Variants in TMEM182 observed in about 807,000 individuals in gnomAD.
TMEM182 encodes the protein transmembrane protein 182.
In TMEM182, 20 loss-of-function variants were observed where a neutral mutation model predicts 26.8. The ratio of observed to expected loss-of-function variants is 0.75; its 90% CI spans 0.53 to 1.09. The LOEUF (loss-of-function observed/expected upper bound fraction) is 1.09, where lower values mean the gene tolerates loss of function less well. TMEM182 is among the 50% of genes least tolerant of loss of function. TMEM182 has a pLI of 0.00. For synonymous variants in TMEM182, 109 were observed against 102.2 expected (o/e 1.07, Z -0.40); for missense variants, 277 against 275.5 (o/e 1.01, Z -0.04).
In TMEM182 at chr2:102,800,251, T is replaced by A. The variant is rs1682064207; in HGVS notation, c.469+2251T>A. ...GAATCACCACTATCTGACTTCAGAA[T>A]ATTTTTATTACTCCACAGAGAAACC... is the stretch of plus-strand genomic sequence containing the variant. On this transcript the variant is annotated intron_variant, in intron 4 of 4. Coordinates refer to ENST00000412401, the MANE Select transcript of TMEM182 (RefSeq NM_144632.5). Among the ~76,000 whole-genome samples the A allele has an allele frequency of 5.3e-5, 8 of 152,324 alleles. No homozygotes were observed. The South Asian group carries it at 1.7e-3, about 32-fold the overall frequency.
chr2:102,832,461 A>C (rs543052129), intron 3 of TMEM182, among the ~76,000 whole-genome samples: 1 of 152,320 alleles, frequency 6.6e-6, no homozygotes, highest in South Asian at 2.1e-4. Flanking sequence ...CTTTATTCTT[A>C]AAGAACGAAG....
chr2:102,820,928 A>G (rs1201297751), downstream of TMEM182, among the ~76,000 whole-genome samples: 1 of 152,186 alleles, frequency 6.6e-6, no homozygotes, highest in East Asian at 1.9e-4. Flanking sequence ...GCAGGAGGAG[A>G]ACAGGCTTGA....
intron 3 of TMEM182, among the ~76,000 whole-genome samples, chr2:102,773,967 T>C (rs1680793933): frequency 6.6e-6 from 1 of 152,204 alleles, no homozygotes; most frequent in Admixed American, 6.5e-5. Flanking sequence ...ATATCAGTTC[T>C]GGAATTTTTT....
chr2:102,818,000 G>C (rs112719764), downstream of TMEM182, among the ~76,000 whole-genome samples: 111 of 152,280 alleles, frequency 7.3e-4, no homozygotes, highest in African/African-American at 2.2e-3. Flanking sequence ...GACTTACAAA[G>C]AGACTTAGAA....
intron 4 of TMEM182, among the ~76,000 whole-genome samples, chr2:102,814,062 T>C (rs1030447312): frequency 2.7e-5 from 4 of 150,398 alleles, no homozygotes; most frequent in Non-Finnish European, 4.4e-5. Flanking sequence ...ATGTTTTCTC[T>C]ATGCTGTAAT....
chr2:102,737,618 C>T (rs1343913281), intron 1 of TMEM182, among the ~76,000 whole-genome samples: 1 of 152,146 alleles, frequency 6.6e-6, no homozygotes, highest in African/African-American at 2.4e-5. Flanking sequence ...GAAACTTCCT[C>T]ATCAAACTGA....
intron 1 of TMEM182, among the ~76,000 whole-genome samples, chr2:102,743,502 A>G (rs918503937): frequency 3.9e-5 from 6 of 152,122 alleles, no homozygotes; most frequent in African/African-American, 1.2e-4. Context: ...TCTCAAAACC[A>G]AACAAATGAA....
At chr2:102,769,696 C>CTA (rs1252462558) in intron 3 of TMEM182, among the ~76,000 whole-genome samples, 8 of 152,106 alleles carry the variant, frequency 5.3e-5, no homozygotes, top group Non-Finnish European at 1.0e-4. Context: ...ACTCTTTGGG[C>CTA]TATATTTTCA....
chr2:102,794,597 C>T (rs1307457978), intron 3 of TMEM182, among the ~76,000 whole-genome samples: 3 of 152,174 alleles, frequency 2.0e-5, no homozygotes, highest in Non-Finnish European at 2.9e-5. Context: ...TCTTTTCTTT[C>T]AGCAGCTTAA....
At chr2:102,798,049 GTCTT>G (rs774311633) in intron 4 of TMEM182, 49 bp downstream of exon 4, 7 of 1,558,996 alleles carry the variant, frequency 4.5e-6, no homozygotes, top group East Asian at 2.3e-5. Context: ...TTTTCTTCAT[GTCTT>G]TCTATTTTTC....
chr2:102,821,367 G>T (rs1171575047), downstream of TMEM182, among the ~76,000 whole-genome samples: 2 of 152,104 alleles, frequency 1.3e-5, no homozygotes, highest in Non-Finnish European at 2.9e-5. Flanking sequence ...TTCATGGCTT[G>T]GTGCTATCCT....
chr2:102,812,742 ATC>A (rs1682598936), intron 4 of TMEM182, among the ~76,000 whole-genome samples: 2 of 152,236 alleles, frequency 1.3e-5, no homozygotes, highest in South Asian at 4.1e-4. Context: ...CCATTAAAAT[ATC>A]TGAAAGCACA....
chr2:102,831,348 T>G (rs566169594), intron 3 of TMEM182, among the ~76,000 whole-genome samples: 6 of 152,354 alleles, frequency 3.9e-5, no homozygotes, highest in African/African-American at 1.4e-4. Flanking sequence ...TTGCCAGCAT[T>G]TGTTATGTAT....
At chr2:102,827,270 T>G (rs1683051304) in intron 3 of TMEM182, among the ~76,000 whole-genome samples, 1 of 152,262 alleles carries the variant, frequency 6.6e-6, no homozygotes, top group African/African-American at 2.4e-5. Context: ...TCTTTTTGTA[T>G]AATTTCTCTT....
At chr2:102,782,271 A>G (rs1260737951) in intron 3 of TMEM182, among the ~76,000 whole-genome samples, 1 of 151,708 alleles carries the variant, frequency 6.6e-6, no homozygotes, top group Non-Finnish European at 1.5e-5. Flanking sequence ...GGTTACAGTG[A>G]GCCGAGATAG....
At chr2:102,767,871 TG>T (rs1041515363) in intron 3 of TMEM182, among the ~76,000 whole-genome samples, 4 of 152,332 alleles carry the variant, frequency 2.6e-5, no homozygotes, top group African/African-American at 7.2e-5. Context: ...TATATACTTA[TG>T]GGGGTGAGCC....
chr2:102,764,260 G>A, intron 2 of TMEM182, 69 bp from the exon 3 acceptor site: 1 of 1,463,310 alleles, frequency 6.8e-7, no homozygotes. Context: ...CTGTATTTCT[G>A]TTCCATTAAG....
At chr2:102,791,751 GTTCAATA>G in intron 3 of TMEM182, among the ~76,000 whole-genome samples, 1 of 152,070 alleles carries the variant, frequency 6.6e-6, no homozygotes, top group Non-Finnish European at 1.5e-5. Context: ...ACTAATAGAA[GTTCAATA>G]TTATTTAAGT....
At chr2:102,806,896 G>A (rs1452532497) in intron 4 of TMEM182, among the ~76,000 whole-genome samples, 8 of 152,188 alleles carry the variant, frequency 5.3e-5, no homozygotes, top group Non-Finnish European at 1.0e-4. Context: ...TTGAACCAGG[G>A]CAGTCAGAAT....
Sources: gnomAD v4.1 joint callset for allele counts (sites outside exome capture counted in the v4.1 genomes callset) on GRCh38, gnomAD v4.1.1 for gene constraint, MANE v1.5 for transcripts, NCBI Gene and HGNC (gene_info 2026-07-23, HGNC 2026-07-21) for gene names.